The following TMEM184C variants were observed in gnomAD, a reference collection of about 807,000 sequenced individuals.
TMEM184C encodes the protein transmembrane protein 34.
In TMEM184C, 25 loss-of-function variants were observed where a neutral mutation model predicts 54.5. The observed-to-expected ratio is 0.46, with a 90% CI of 0.33 to 0.64. TMEM184C has a LOEUF of 0.64. Ranked by LOEUF, TMEM184C falls within the 30% of genes least tolerant of loss-of-function variation. TMEM184C has a pLI of 0.02. For missense variants in TMEM184C, 335 were observed against 520.3 expected, an observed-to-expected ratio of 0.64 and a Z score of 3.46; for synonymous variants, 148 against 181.5, an observed-to-expected ratio of 0.82 and a Z score of 1.49.
chr4:147,634,105 TTTAGAATGG>T, intron 9 of TMEM184C, 55 bp from the exon 10 acceptor site: 2 of 1,553,566 alleles, frequency 1.3e-6, no homozygotes, highest in Non-Finnish European at 1.7e-6. Context: ...GGAGCTTATT[TTTAGAATGG>T]TAAGTTTATA....
At chr4:147,633,292 T>C (rs1732949577) in intron 8 of TMEM184C, among the ~76,000 whole-genome samples, 1 of 151,850 alleles carries the variant, frequency 6.6e-6, no homozygotes, top group Non-Finnish European at 1.5e-5. Flanking sequence ...TGAAATGTAC[T>C]TTGCTAAGAA....
At chr4:147,623,100 T>G (rs1318626290) in intron 1 of TMEM184C, among the ~76,000 whole-genome samples, 2 of 152,190 alleles carry the variant, frequency 1.3e-5, no homozygotes, top group East Asian at 3.8e-4. Context: ...TACTTTTGTT[T>G]TCTACCTCTT....
Position 147,635,392 on chromosome 4 carries a change from A to AATT in TMEM184C, c.*960_*962dup, listed in dbSNP as rs2126556733. The AATT allele has an allele frequency of 6.6e-6, 1 of 152,334 alleles. No individual in the cohort carries two copies. The highest frequency in any genetic ancestry group is 6.5e-5 in the Admixed American group (1 of 15,298). The allele number at this position is 152,334 out of a possible 1,614,324, so 9.4% of individuals were successfully genotyped here. On this transcript the variant is annotated 3_prime_UTR_variant, in exon 10 of 10. Coordinates refer to ENST00000296582, the MANE Select transcript of TMEM184C (RefSeq NM_018241.3). Reference sequence around the variant, plus strand: ...ATGTAAATCTTGGCTGAATGGTCTTAATTACTCATTAAACCACAGTCAGAA... The same window carrying AATT: ...ATGTAAATCTTGGCTGAATGGTCTTAATTATTACTCATTAAACCACAGTCAGAA...
rs1732915213 is a variant in TMEM184C, at chr4:147,631,431, A to G, written c.705A>G (p.Leu235=). Residue 235 remains leucine (L), a synonymous_variant, in exon 7 of 10, where the codon CTA becomes CTG. Transcript: ENST00000296582. Reference sequence around the variant, plus strand: ...GTCTCCTGCTCTTTTATAAAGTACTAAAAGAAGAACTGAGCCCAATCCAAC... The same window carrying G: ...GTCTCCTGCTCTTTTATAAAGTACTGAAAGAAGAACTGAGCCCAATCCAAC... ...MYCLLLFYKV[L]KEELSPIQPV... 2 of 1,601,672 alleles carry G rather than the reference A, an allele frequency of 1.2e-6. No homozygotes were observed. The highest frequency in any genetic ancestry group is 1.7e-6 in the Non-Finnish European group (2 of 1,177,448).
intron 7 of TMEM184C, chr4:147,632,517 T>G (rs1055691948): frequency 6.0e-6 from 1 of 168,032 alleles, no homozygotes; most frequent in African/African-American, 2.4e-5. Context: ...TGGATATAAC[T>G]TTTTACTAAT....
intron 7 of TMEM184C, among the ~76,000 whole-genome samples, chr4:147,632,286 T>C (rs1271372621): frequency 6.6e-6 from 1 of 151,930 alleles, no homozygotes; most frequent in African/African-American, 2.4e-5. Flanking sequence ...GAAAAATCCC[T>C]GAAATCCCAC....
chr4:147,620,092 T>C (rs1344599773), intron 1 of TMEM184C, among the ~76,000 whole-genome samples: 1 of 152,214 alleles, frequency 6.6e-6, no homozygotes, highest in East Asian at 1.9e-4. Context: ...CAGAATTTCC[T>C]TTCCGTAGAT....
At position 147,634,253 on chromosome 4, in the gene TMEM184C, C is replaced by G; in HGVS notation, c.1136C>G (p.Ser379Ter). ...QNEHTSLLSSSSQDAISIASS... is the reference protein window; with the variant it reads ...QNEHTSLLSS Reference sequence around the variant, plus strand: ...GAACATACAAGTTTATTATCATCATCATCACAAGATGCAATTTCCATTGCT... The same window carrying G: ...GAACATACAAGTTTATTATCATCATGATCACAAGATGCAATTTCCATTGCT... Residue 379 changes from serine (S) to a stop codon, truncating the protein, a stop_gained, in exon 10 of 10, where the codon TCA (serine) becomes TGA (stop). Transcript: ENST00000296582. LOFTEE classifies it high-confidence loss of function. 1 of 1,614,180 alleles carries G rather than the reference C, an allele frequency of 6.2e-7. No individual in the cohort carries two copies. The highest frequency in any genetic ancestry group is 8.5e-7 in the Non-Finnish European group (1 of 1,180,018).
intron 6 of TMEM184C, among the ~76,000 whole-genome samples, chr4:147,630,479 A>C (rs1423504980): frequency 6.6e-6 from 1 of 152,076 alleles, no homozygotes. Flanking sequence ...TATAAAGCCC[A>C]TTACTTGTAA....
chr4:147,624,176 GA>G, intron 3 of TMEM184C, 78 bp downstream of exon 3: 1 of 1,276,560 alleles, frequency 7.8e-7, no homozygotes, highest in Non-Finnish European at 1.1e-6. Flanking sequence ...TTAAGATAAT[GA>G]AAGTATGTTA....
intron 5 of TMEM184C, among the ~76,000 whole-genome samples, chr4:147,629,279 A>G (rs1732867194): frequency 6.6e-6 from 1 of 151,980 alleles, no homozygotes; most frequent in Admixed American, 6.6e-5. Context: ...TAGACAGCAT[A>G]GTTGTTTTTT....
At chr4:147,619,135 G>T (rs1354681252) in intron 1 of TMEM184C, among the ~76,000 whole-genome samples, 2 of 152,066 alleles carry the variant, frequency 1.3e-5, no homozygotes, top group Non-Finnish European at 2.9e-5. Context: ...CAGAGTGCTG[G>T]GATTACAGGT....
At chr4:147,633,978 G>T in intron 9 of TMEM184C, 42 bp downstream of exon 9, 2 of 1,578,782 alleles carry the variant, frequency 1.3e-6, no homozygotes, top group Non-Finnish European at 1.7e-6. Context: ...GGTTGGGTAG[G>T]ATATTGAATT....
chr4:147,636,575 T>C lies in TMEM184C; in HGVS notation c.*2141T>C, dbSNP rs998200875. 6.6e-5 allele frequency: 10 copies of C among 152,158 alleles called. No homozygotes were observed. The highest frequency in any genetic ancestry group is 1.3e-4 in the Non-Finnish European group (9 of 68,002). The allele number at this position is 152,158 out of a possible 1,614,324, so 9.4% of individuals were successfully genotyped here. On this transcript the variant is annotated 3_prime_UTR_variant, in exon 10 of 10. Coordinates refer to ENST00000296582, the MANE Select transcript of TMEM184C (RefSeq NM_018241.3). ...GACACTGACCCTTGGCAATGATTTT[T>C]TGGATATCACACCAAAAGCTCAGTC... is the stretch of plus-strand genomic sequence containing the variant.
chr4:147,633,112 T>G, intron 8 of TMEM184C, 110 bp downstream of exon 8: 1 of 836,566 alleles, frequency 1.2e-6, no homozygotes, highest in South Asian at 2.1e-5. Context: ...TATCCTCACT[T>G]TACAGGTGAG....
Position 147,634,520 on chromosome 4 carries a change from A to G in TMEM184C, c.*86A>G. The G allele has an allele frequency of 4.9e-6, 7 of 1,440,042 alleles. No individual in the cohort carries two copies. Among genetic ancestry groups the G allele is most frequent in the Non-Finnish European group, 5.6e-6 (6 of 1,071,638 alleles). The allele number at this position is 1,440,042 out of a possible 1,614,324, so 89.2% of individuals were successfully genotyped here. A position where few individuals can be genotyped will look rare whatever the true frequency, so the allele number is the denominator to read the frequency against. On this transcript the variant is annotated 3_prime_UTR_variant, in exon 10 of 10. Transcript: ENST00000296582. ...ATTTTGTGCTTGGGACAGACCATAA[A>G]TGATGGAAAATGTCAACACAAAAAT...
intron 1 of TMEM184C, among the ~76,000 whole-genome samples, chr4:147,622,045 C>T (rs1414565376): frequency 2.1e-5 from 3 of 146,048 alleles, no homozygotes; most frequent in Non-Finnish European, 4.5e-5. Flanking sequence ...AGTGCAGTGG[C>T]GCGGTCATGG....
chr4:147,622,328 C>T (rs1323821474), intron 1 of TMEM184C, among the ~76,000 whole-genome samples: 1 of 152,026 alleles, frequency 6.6e-6, no homozygotes, highest in Non-Finnish European at 1.5e-5. Flanking sequence ...ATTTCACTTC[C>T]CTTGGTTTCA....
At position 147,633,339 on chromosome 4, in the gene TMEM184C, GT is replaced by G. The variant is rs1732951478; in HGVS notation, c.879+338del. Reference sequence around the variant, plus strand: ...TGGCCTGGTGCAGTGACTCACGCCTGTAATCCTAGCACTTTGTAAGGCCAAC... The same window carrying G: ...TGGCCTGGTGCAGTGACTCACGCCTGAATCCTAGCACTTTGTAAGGCCAAC... On this transcript the variant is annotated intron_variant, in intron 8 of 9. Coordinates refer to ENST00000296582, the MANE Select transcript of TMEM184C (RefSeq NM_018241.3). 2.0e-5 allele frequency among the ~76,000 whole-genome samples: 3 copies of G among 151,486 alleles called. No individual in the cohort carries two copies. In the Admixed American group the frequency reaches 2.0e-4, roughly 10 times the overall value.
Sources: allele counts gnomAD v4.1 joint callset (sites outside exome capture counted in the v4.1 genomes callset), GRCh38; gene constraint gnomAD v4.1.1; transcripts MANE v1.5; gene names NCBI Gene and HGNC (gene_info 2026-07-23, HGNC 2026-07-21).